The following NEURL1B variants were observed in gnomAD, a reference collection of about 807,000 sequenced individuals.
NEURL1B encodes E3 ubiquitin-protein ligase NEURL1B.
A neutral mutation model predicts 37.4 loss-of-function variants in NEURL1B; 13 were observed. That is an observed-to-expected ratio of 0.35 (90% confidence interval 0.23 to 0.55). The LOEUF (loss-of-function observed/expected upper bound fraction) is 0.55, where lower values mean the gene tolerates loss of function less well. Ranked by LOEUF, NEURL1B falls within the 20% of genes least tolerant of loss-of-function variation. NEURL1B has a pLI of 0.89. For synonymous variants in NEURL1B, 432 were observed against 426.6 expected (o/e 1.01, Z -0.16); for missense variants, 790 against 879.2 (o/e 0.90, Z 1.28).
chr5:172,655,589 C>A (rs1314728607), intron 1 of NEURL1B, among the ~76,000 whole-genome samples: 1 of 152,178 alleles, frequency 6.6e-6, no homozygotes, highest in East Asian at 1.9e-4. Context: ...CATTCACGCA[C>A]ACACACATTT....
At position 172,669,798 on chromosome 5, in the gene NEURL1B, G is replaced by A. The variant is rs1439207430; in HGVS notation, c.45G>A (p.Pro15=). The A allele has an allele frequency of 7.8e-6, 10 of 1,273,986 alleles. No individual in the cohort carries two copies. The highest frequency in any genetic ancestry group is 1.0e-5 in the Non-Finnish European group (10 of 1,002,430). 78.9% of individuals were successfully genotyped at this position (1,273,986 alleles called of 1,614,324 possible). The change falls in exon 2 of 5, where the codon CCG becomes CCA. Residue 15 remains proline, a synonymous_variant. Coordinates refer to ENST00000369800, the MANE Select transcript of NEURL1B (RefSeq NM_001142651.3). ...GTCTTTCCGCAGACCCGAGCCCACCGGCGCGCCTCCTGGCCACCCGGCCGT... is the reference window on the plus strand; with the variant it reads ...GTCTTTCCGCAGACCCGAGCCCACCAGCGCGCCTCCTGGCCACCCGGCCGT... The part of the protein sequence containing the change: ...VHRTLPDPSP[P]ARLLATRPCC...
At chr5:172,670,642 C>CTCAT (rs111734526) in intron 2 of NEURL1B, among the ~76,000 whole-genome samples, 16 of 152,136 alleles carry the variant, frequency 1.1e-4, no homozygotes, top group Admixed American at 2.6e-4. Flanking sequence ...AGTTTATTTG[C>CTCAT]TCATTCATTC....
Position 172,670,435 on chromosome 5 carries a change from C to G in NEURL1B, c.577+105C>G, listed in dbSNP as rs193012929. 702 of 917,948 alleles carry G rather than the reference C, an allele frequency of 7.6e-4. 2 individuals are homozygous for G. The African/African-American group carries it at 0.011, about 15-fold the overall frequency. The allele number at this position is 917,948 out of a possible 1,614,324, so 56.9% of individuals were successfully genotyped here. ...AGTCACTTATGGAGAGCTCCTTTTG[C>G]CAGGCGTGGCACTAAGCGCTTTACG... On this transcript the variant is annotated intron_variant, in intron 2 of 4. Coordinates refer to ENST00000369800, the MANE Select transcript of NEURL1B (RefSeq NM_001142651.3).
At chr5:172,682,995 G>C (rs1758390586) in intron 2 of NEURL1B, among the ~76,000 whole-genome samples, 2 of 152,302 alleles carry the variant, frequency 1.3e-5, no homozygotes, top group African/African-American at 4.8e-5. Context: ...GTACAGGTTT[G>C]CTCTTTTTAT....
In NEURL1B at chr5:172,647,793, C is replaced by T. The variant is rs573221326; in HGVS notation, c.31+6356C>T. 1.3e-5 allele frequency among the ~76,000 whole-genome samples: 2 copies of T among 152,140 alleles called. No individual in the cohort carries two copies. The highest frequency in any genetic ancestry group is 2.1e-4 in the South Asian group (1 of 4,820). On this transcript the variant is annotated intron_variant, in intron 1 of 4. Coordinates refer to ENST00000369800, the MANE Select transcript of NEURL1B (RefSeq NM_001142651.3). The surrounding 1 kb of genome is among the most constrained non-coding windows in gnomAD (Gnocchi z 4.2). Reference sequence around the variant, plus strand: ...TCTGGGAATCTTGCCTGAGAGGAGACGGGGTGAGCTTGAGTTCTGTGCTCC... The same window carrying T: ...TCTGGGAATCTTGCCTGAGAGGAGATGGGGTGAGCTTGAGTTCTGTGCTCC...
chr5:172,668,093 G>T (rs1020473099), intron 1 of NEURL1B, among the ~76,000 whole-genome samples: 1 of 151,944 alleles, frequency 6.6e-6, no homozygotes, highest in Non-Finnish European at 1.5e-5. Flanking sequence ...ACCTCTCTCT[G>T]CCCCGCCTTG....
At chr5:172,674,572 C>A (rs1758192338) in intron 2 of NEURL1B, among the ~76,000 whole-genome samples, 1 of 152,112 alleles carries the variant, frequency 6.6e-6, no homozygotes, top group African/African-American at 2.4e-5. Context: ...CCAGGCTGCA[C>A]CCAGACCAAT....
At chr5:172,643,024 G>A (rs1420920007) in intron 1 of NEURL1B, among the ~76,000 whole-genome samples, 1 of 152,202 alleles carries the variant, frequency 6.6e-6, no homozygotes, top group African/African-American at 2.4e-5. Flanking sequence ...TGCCACCTGT[G>A]GGTCAGCCCT....
Position 172,683,695 on chromosome 5 carries a change from C to T in NEURL1B, c.854C>T (p.Thr285Ile). 1 of 1,351,180 alleles carries T rather than the reference C, an allele frequency of 7.4e-7. No individual in the cohort carries two copies. The highest frequency in any genetic ancestry group is 1.4e-5 in the South Asian group (1 of 68,970). The allele number at this position is 1,351,180 out of a possible 1,614,324, so 83.7% of individuals were successfully genotyped here. ...GAGGCCGACCTGCGCTTCCACGCAA[C>T]ACGCGGGCCCGACGTGAGCCTGTCG... ...LLEADLRFHATRGPDVSLSAD... is the reference protein window; with the variant it reads ...LLEADLRFHAIRGPDVSLSAD... Residue 285 changes from threonine (T) to isoleucine (I), a missense_variant, in exon 3 of 5, where the codon ACA becomes ATA. By Grantham distance (89) the Thr-to-Ile change is moderately conservative. This residue lies in a region of NEURL1B where 460 missense variants were observed against 407.4 expected (regional missense o/e 1.13). Coordinates refer to ENST00000369800, the MANE Select transcript of NEURL1B (RefSeq NM_001142651.3). The surrounding 1 kb of genome is among the most constrained non-coding windows in gnomAD (Gnocchi z 5.6).
chr5:172,670,074 G>C lies in NEURL1B; in HGVS notation c.321G>C (p.Ser107=). 1 of 1,523,942 alleles carries C rather than the reference G, an allele frequency of 6.6e-7. No homozygotes were observed. Among genetic ancestry groups the C allele is most frequent in the Non-Finnish European group, 8.8e-7 (1 of 1,141,534 alleles). 94.4% of individuals were successfully genotyped at this position (1,523,942 alleles called of 1,614,324 possible). Residue 107 remains serine, a synonymous_variant, in exon 2 of 5, where the codon TCG becomes TCC. Transcript: ENST00000369800. ...LRFGFTAHDP[S]LMSAQDIPKY... ...TCGGCTTCACCGCGCACGATCCGTC[G>C]CTCATGAGCGCCCAGGACATCCCCA...
At chr5:172,681,471 C>T (rs1364468649) in intron 2 of NEURL1B, among the ~76,000 whole-genome samples, 1 of 152,234 alleles carries the variant, frequency 6.6e-6, no homozygotes, top group Non-Finnish European at 1.5e-5. Context: ...CTATGGGAAG[C>T]ACCCTCGCTA....
At chr5:172,649,269 C>T (rs564569006) in intron 1 of NEURL1B, among the ~76,000 whole-genome samples, 24 of 151,072 alleles carry the variant, frequency 1.6e-4, no homozygotes, top group South Asian at 1.5e-3. Context: ...TCCACGAAGA[C>T]GCCTTTTGAC....
In NEURL1B at chr5:172,657,624, T is replaced by C. The variant is rs1214145043; in HGVS notation, c.32-12161T>C. Among the ~76,000 whole-genome samples the C allele has an allele frequency of 6.6e-6, 1 of 151,942 alleles. No homozygotes were observed. Among genetic ancestry groups the C allele is most frequent in the Admixed American group, 6.6e-5 (1 of 15,250 alleles). On this transcript the variant is annotated intron_variant, in intron 1 of 4. Coordinates refer to ENST00000369800, the MANE Select transcript of NEURL1B (RefSeq NM_001142651.3). This position sits in a 1 kb window ranked among gnomAD's most constrained non-coding sequence, Gnocchi z 4.0. ...GTCTTCTGTCACGCCCGCATAAGGG[T>C]TGCTTGAGGGCTCCTTGGTCAAGTG...
chr5:172,680,510 C>T (rs1034906224), intron 2 of NEURL1B, among the ~76,000 whole-genome samples: 8 of 152,082 alleles, frequency 5.3e-5, no homozygotes, highest in South Asian at 2.1e-4. Flanking sequence ...TGCATTGCAC[C>T]GACACTTCCA....
intron 1 of NEURL1B, among the ~76,000 whole-genome samples, chr5:172,659,039 C>CG (rs1561644102): frequency 7.5e-6 from 1 of 133,764 alleles, no homozygotes; most frequent in African/African-American, 2.7e-5. Context: ...TGCCCGCCCC[C>CG]CCCCCCCCAA....
chr5:172,666,520 C>CA (rs1758018819), intron 1 of NEURL1B, among the ~76,000 whole-genome samples: 1 of 152,096 alleles, frequency 6.6e-6, no homozygotes, highest in African/African-American at 2.4e-5. Context: ...CGCCCCTAGC[C>CA]AAAAAATCTG....
chr5:172,650,185 G>A (rs1047828496), intron 1 of NEURL1B, among the ~76,000 whole-genome samples: 5 of 152,156 alleles, frequency 3.3e-5, no homozygotes, highest in African/African-American at 1.2e-4. Flanking sequence ...ATGGGTCTGC[G>A]CTGTACTCCG....
Position 172,665,467 on chromosome 5 carries a change from C to T in NEURL1B, c.32-4318C>T, listed in dbSNP as rs993572375. ...CACCCTCCTTGCTGCCCTGGAGGCC[C>T]CTCCCTGACAGGCAGTGCAGGTGTG... On this transcript the variant is annotated intron_variant, in intron 1 of 4. Transcript: ENST00000369800. This position sits in a 1 kb window ranked among gnomAD's most constrained non-coding sequence, Gnocchi z 4.1. Among the ~76,000 whole-genome samples the T allele has an allele frequency of 6.6e-6, 1 of 152,228 alleles. No homozygotes were observed. Among genetic ancestry groups the T allele is most frequent in the African/African-American group, 2.4e-5 (1 of 41,466 alleles).
chr5:172,659,578 G>T (rs143713859), intron 1 of NEURL1B, among the ~76,000 whole-genome samples: 1 of 152,178 alleles, frequency 6.6e-6, no homozygotes, highest in Non-Finnish European at 1.5e-5. Flanking sequence ...AAGAAAGGAA[G>T]GCCCAGGGTT....
Sources: gnomAD v4.1 joint callset for allele counts (sites outside exome capture counted in the v4.1 genomes callset) on GRCh38, gnomAD v4.1.1 for gene constraint, gnomAD v4.1.1 regional missense constraint, Gnocchi (gnomAD v3.1) non-coding constraint, MANE v1.5 for transcripts, NCBI Gene and HGNC (gene_info 2026-07-23, HGNC 2026-07-21) for gene names.